PPP6R3: variants seen among roughly 807,000 people sequenced by gnomAD.
PPP6R3 encodes protein phosphatase 6 regulatory subunit 3, also known as serine/threonine-protein phosphatase 6 regulatory subunit 3.
In PPP6R3, 38 loss-of-function variants were observed where a neutral mutation model predicts 110.7. That is an observed-to-expected ratio of 0.34 (90% CI 0.26 to 0.45). The LOEUF (loss-of-function observed/expected upper bound fraction) is 0.45. PPP6R3 is among the 20% of genes least tolerant of loss of function. The pLI, the probability that PPP6R3 is intolerant of heterozygous loss-of-function variation, is 1.00. For missense variants in PPP6R3, 870 were observed against 1,062.4 expected (o/e 0.82, Z 2.52); for synonymous variants, 369 against 373.5 (o/e 0.99, Z 0.14).
chr11:68,558,508 C>T, intron 7 of PPP6R3, 58 bp from the exon 8 acceptor site: 14 of 1,050,848 alleles, frequency 1.3e-5, no homozygotes, highest in Admixed American at 2.1e-5. Context: ...GTCTTTTTTT[C>T]TGAGGTTGTT....
At chr11:68,535,779 T>C (rs1363901508) in intron 2 of PPP6R3, among the ~76,000 whole-genome samples, 2 of 144,950 alleles carry the variant, frequency 1.4e-5, no homozygotes, top group African/African-American at 5.2e-5. Context: ...TTGGCCAACA[T>C]TGTGAAACCC....
At chr11:68,520,199 G>A (rs2099157314) in intron 2 of PPP6R3, among the ~76,000 whole-genome samples, 2 of 152,208 alleles carry the variant, frequency 1.3e-5, no homozygotes, top group African/African-American at 2.4e-5. Flanking sequence ...TGGGGGACAT[G>A]CAAACATAGT....
At position 68,590,683 on chromosome 11, in the gene PPP6R3, A is replaced by G. The variant is rs748108183; in HGVS notation, c.1754A>G (p.Asp585Gly). The G allele has an allele frequency of 1.3e-6, 2 of 1,594,682 alleles. No individual in the cohort carries two copies. The highest frequency in any genetic ancestry group is 1.7e-6 in the Non-Finnish European group (2 of 1,166,494). The change falls in exon 17 of 24, where the codon GAC (aspartate) becomes GGC (glycine). Residue 585 changes from aspartate (D) to glycine (G), a missense_variant. Asp to Gly is a moderately conservative substitution (Grantham distance 94, BLOSUM62 -1). Transcript: ENST00000393800. Reference sequence around the variant, plus strand: ...AGTGTTTCTTTTGATCGAGTATCAGACATCAACTTTACTCTCAATACAAAT... The same window carrying G: ...AGTGTTTCTTTTGATCGAGTATCAGGCATCAACTTTACTCTCAATACAAAT... ...IGNVSFDRVS[D>G]INFTLNTNES...
At chr11:68,464,560 G>A (rs2098732591) in intron 1 of PPP6R3, among the ~76,000 whole-genome samples, 1 of 152,184 alleles carries the variant, frequency 6.6e-6, no homozygotes, top group African/African-American at 2.4e-5. Flanking sequence ...TGTGAACTTG[G>A]TCTTTGCAGT....
chr11:68,500,957 T>A (rs2099045539), intron 1 of PPP6R3, among the ~76,000 whole-genome samples: 1 of 152,226 alleles, frequency 6.6e-6, no homozygotes. Flanking sequence ...TTCCGCCGCC[T>A]TCCTTTTCTG....
chr11:68,491,503 C>T (rs1014132646), intron 1 of PPP6R3, among the ~76,000 whole-genome samples: 1 of 151,832 alleles, frequency 6.6e-6, no homozygotes, highest in Admixed American at 6.6e-5. Flanking sequence ...ACCACTGTGC[C>T]CAGCTATTTT....
At chr11:68,522,354 T>C (rs1009474349) in intron 2 of PPP6R3, 8 of 152,242 alleles carry the variant, frequency 5.3e-5, no homozygotes, top group African/African-American at 1.9e-4. Flanking sequence ...TGACCTTCCT[T>C]ATCAACCAGA....
intron 8 of PPP6R3, among the ~76,000 whole-genome samples, chr11:68,561,927 A>T (rs1593179020): frequency 4.6e-5 from 7 of 151,954 alleles, no homozygotes; most frequent in Middle Eastern, 3.4e-3. Flanking sequence ...GTCCAGCCAA[A>T]TTTTTTTTAT....
intron 12 of PPP6R3, among the ~76,000 whole-genome samples, chr11:68,573,114 TTATATATATA>T (rs60848718): frequency 0.069 from 4,280 of 61,798 alleles, 268 homozygotes; most frequent in Non-Finnish European, 0.084. Context: ...TTTACTTATT[TTATATATATA>T]TATATATATA....
chr11:68,542,453 G>A (rs2099324978), intron 3 of PPP6R3, among the ~76,000 whole-genome samples: 1 of 137,688 alleles, frequency 7.3e-6, no homozygotes, highest in South Asian at 2.4e-4. Flanking sequence ...GAGTGCAGTG[G>A]CGCAGTCACA....
At chr11:68,529,892 T>G (rs1472213450) in intron 2 of PPP6R3, among the ~76,000 whole-genome samples, 1 of 152,166 alleles carries the variant, frequency 6.6e-6, no homozygotes, top group Admixed American at 6.5e-5. Context: ...GGGGGCCATT[T>G]CAGTGCGGAG....
chr11:68,463,099 C>G (rs145640888), intron 1 of PPP6R3, among the ~76,000 whole-genome samples: 1 of 152,178 alleles, frequency 6.6e-6, no homozygotes, highest in African/African-American at 2.4e-5. Context: ...TTTGGCCGGG[C>G]GCAGTGGCTC....
At chr11:68,566,189 T>C (rs1003680756) in intron 9 of PPP6R3, among the ~76,000 whole-genome samples, 3 of 152,164 alleles carry the variant, frequency 2.0e-5, no homozygotes, top group Non-Finnish European at 4.4e-5. Flanking sequence ...AGACTGAGGA[T>C]TGTATTCCAA....
chr11:68,479,329 T>C (rs1336038787), intron 1 of PPP6R3, among the ~76,000 whole-genome samples: 1 of 152,194 alleles, frequency 6.6e-6, no homozygotes, highest in East Asian at 1.9e-4. Context: ...CTGTGTTGTG[T>C]GCCTGCATTT....
chr11:68,509,832 C>T (rs1051865495), intron 1 of PPP6R3, among the ~76,000 whole-genome samples: 3 of 147,848 alleles, frequency 2.0e-5, no homozygotes, highest in East Asian at 2.0e-4. Flanking sequence ...CCACTGCAAC[C>T]CTTGCCACCT....
At chr11:68,560,540 A>G (rs530911268) in intron 8 of PPP6R3, among the ~76,000 whole-genome samples, 1 of 152,350 alleles carries the variant, frequency 6.6e-6, no homozygotes, top group Admixed American at 6.5e-5. Flanking sequence ...GCCCCATATC[A>G]GTTGAAGAAA....
intron 16 of PPP6R3, among the ~76,000 whole-genome samples, chr11:68,590,056 G>A (rs1431739692): frequency 6.6e-6 from 1 of 152,210 alleles, no homozygotes; most frequent in Non-Finnish European, 1.5e-5. Flanking sequence ...GTTAGGATCT[G>A]TAATCTCTTT....
chr11:68,548,725 CAT>C (rs1428907263), intron 5 of PPP6R3, among the ~76,000 whole-genome samples: 1 of 152,118 alleles, frequency 6.6e-6, no homozygotes, highest in Non-Finnish European at 1.5e-5. Flanking sequence ...TTGAGAAGGA[CAT>C]ATTTTAAAAT....
intron 9 of PPP6R3, among the ~76,000 whole-genome samples, chr11:68,564,753 G>A (rs1593224772): frequency 6.6e-6 from 1 of 152,280 alleles, no homozygotes; most frequent in South Asian, 2.1e-4. Context: ...TTTCAGAAAC[G>A]GATCTTTGAA....
Sources: gnomAD v4.1 joint callset for allele counts (sites outside exome capture counted in the v4.1 genomes callset) on GRCh38, gnomAD v4.1.1 for gene constraint, MANE v1.5 for transcripts, NCBI Gene and HGNC (gene_info 2026-07-23, HGNC 2026-07-21) for gene names.